The following PPP1R12B variants were observed in gnomAD, a reference collection of about 807,000 sequenced individuals.
PPP1R12B encodes myosin phosphatase target subunit 2.
A neutral mutation model predicts 126.1 loss-of-function variants in PPP1R12B; 76 were observed. The observed-to-expected ratio is 0.60, with a 90% CI of 0.50 to 0.73. The LOEUF is 0.73. Ranked by LOEUF, PPP1R12B falls within the 30% of genes least tolerant of loss-of-function variation. The pLI, the probability that PPP1R12B is intolerant of heterozygous loss-of-function variation, is 0.00. For synonymous variants in PPP1R12B, 356 were observed against 434.7 expected (o/e 0.82, Z 2.25); for missense variants, 1,052 against 1,205.1 (o/e 0.87, Z 1.88).
At chr1:202,425,453 C>A in intron 3 of PPP1R12B, 113 bp from the exon 4 acceptor site, 1 of 1,188,896 alleles carries the variant, frequency 8.4e-7, no homozygotes, top group Non-Finnish European at 1.2e-6. Flanking sequence ...AACTTGATGG[C>A]TAAATTGTTA....
intron 10 of PPP1R12B, chr1:202,438,701 A>G (rs557264016): frequency 2.0e-4 from 123 of 627,656 alleles, no homozygotes; most frequent in African/African-American, 1.8e-3. Context: ...CCGCCCAGTC[A>G]AGGGCCAGGT....
intron 21 of PPP1R12B, 129 bp downstream of exon 21, chr1:202,564,676 A>G: frequency 1.6e-6 from 1 of 635,712 alleles, no homozygotes; most frequent in South Asian, 2.1e-5. Context: ...AATGAGATAG[A>G]AGCTTCTTAG....
Position 202,425,617 on chromosome 1 carries a change from A to T in PPP1R12B, c.593A>T (p.Asp198Val). Residue 198 changes from aspartate (D) to valine (V), a missense_variant, in exon 4 of 24, where the codon GAT becomes GTT. By Grantham distance (152) the Asp-to-Val change is radical. Coordinates refer to ENST00000608999, the MANE Select transcript of PPP1R12B (RefSeq NM_002481.4). ...RKEEEQQMLQDARQWLNSGKI... is the reference protein window; with the variant it reads ...RKEEEQQMLQVARQWLNSGKI... ...GAAGAAGAGCAGCAGATGTTGCAGG[A>T]TGCCCGCCAGTGGCTCAACAGTGGG... 1 of 1,613,978 alleles carries T rather than the reference A, an allele frequency of 6.2e-7. No homozygotes were observed. The highest frequency in any genetic ancestry group is 8.5e-7 in the Non-Finnish European group (1 of 1,179,868).
At position 202,437,831 on chromosome 1, in the gene PPP1R12B, G is replaced by C. The variant is rs1279505956; in HGVS notation, c.1265G>C (p.Gly422Ala). The change falls in exon 10 of 24, where the codon GGC (glycine) becomes GCC (alanine). Residue 422 changes from glycine (G) to alanine (A), a missense_variant. By Grantham distance (60) the Gly-to-Ala change is moderately conservative. Transcript: ENST00000608999. ...TTGCTTCTCTCATAGTTCTCTTCTG[G>C]CCTTTTTAACAAGCCAGAAGAGCCC... ...SASSARRFSS[G>A]LFNKPEEPKD... is the part of the protein sequence containing the mutation. The C allele has an allele frequency of 1.9e-6, 3 of 1,609,388 alleles. No individual in the cohort carries two copies. The highest frequency in any genetic ancestry group is 2.5e-6 in the Non-Finnish European group (3 of 1,177,096).
intron 13 of PPP1R12B, among the ~76,000 whole-genome samples, chr1:202,449,951 G>T (rs1572081389): frequency 6.6e-6 from 1 of 152,224 alleles, no homozygotes; most frequent in African/African-American, 2.4e-5. Context: ...CTCCCAAAGT[G>T]CTGGGATTAC....
chr1:202,408,351 T>C (rs1169789076), intron 1 of PPP1R12B, among the ~76,000 whole-genome samples: 2 of 152,226 alleles, frequency 1.3e-5, no homozygotes, highest in Non-Finnish European at 2.9e-5. Context: ...AGCCAGAGAT[T>C]AGTTAAACAG....
intron 13 of PPP1R12B, among the ~76,000 whole-genome samples, chr1:202,475,743 T>C (rs1676550129): frequency 6.6e-6 from 1 of 152,158 alleles, no homozygotes; most frequent in Non-Finnish European, 1.5e-5. Context: ...ACATCTTGAA[T>C]TCATAAAGTC....
rs1670077297 is a variant in PPP1R12B, at chr1:202,430,683, A to G, written c.922-48A>G. The G allele has an allele frequency of 2.5e-6, 4 of 1,601,326 alleles. No individual in the cohort carries two copies. The Admixed American group carries it at 5.1e-5, about 20-fold the overall frequency. On this transcript the variant is annotated intron_variant, in intron 6 of 23. Transcript: ENST00000608999. ...TGGTTCTCAATACTGCTGATTTTTC[A>G]CCAATAGTCAACTTCTTCCCTTTTC...
intron 8 of PPP1R12B, among the ~76,000 whole-genome samples, chr1:202,432,522 C>T (rs1023675847): frequency 1.7e-4 from 26 of 152,282 alleles, no homozygotes; most frequent in African/African-American, 6.3e-4. Context: ...CTGCCTTGGC[C>T]TCCCTAAGTG....
intron 13 of PPP1R12B, among the ~76,000 whole-genome samples, chr1:202,476,252 A>G (rs1055676732): frequency 7.3e-5 from 11 of 151,672 alleles, no homozygotes; most frequent in Non-Finnish European, 1.5e-4. Context: ...AAACTATCTT[A>G]TAAGACCATT....
At chr1:202,357,068 C>T (rs1410020066) in intron 1 of PPP1R12B, among the ~76,000 whole-genome samples, 2 of 152,084 alleles carry the variant, frequency 1.3e-5, no homozygotes, top group African/African-American at 4.8e-5. Flanking sequence ...GTGATCCACC[C>T]GCCTTGGCCT....
chr1:202,477,382 C>G (rs190780214), intron 13 of PPP1R12B, among the ~76,000 whole-genome samples: 1 of 152,118 alleles, frequency 6.6e-6, no homozygotes, highest in Admixed American at 6.5e-5. Flanking sequence ...TCCACAATCA[C>G]CTACCAAGTA....
Position 202,453,249 on chromosome 1 carries a change from T to TA in PPP1R12B, c.1850+4079dup, listed in dbSNP as rs555009218. Among the ~76,000 whole-genome samples the TA allele has an allele frequency of 2.4e-4, 37 of 152,300 alleles. No homozygotes were observed. In the South Asian group the frequency reaches 5.6e-3, roughly 23 times the overall value. ...TCAATTGAAATGATCATAGTGTTTT[T>TA]ATCTTTCATTCTGTCAATATGATAT... On this transcript the variant is annotated intron_variant, in intron 13 of 23. Coordinates refer to ENST00000608999, the MANE Select transcript of PPP1R12B (RefSeq NM_002481.4).
chr1:202,523,149 C>T lies in PPP1R12B; in HGVS notation c.2490+26327C>T, dbSNP rs144386730. Among the ~76,000 whole-genome samples the T allele has an allele frequency of 2.6e-5, 4 of 152,250 alleles. No individual in the cohort carries two copies. In the East Asian group the frequency reaches 7.7e-4, roughly 29 times the overall value. ...TTCATTCAACAAATACTTATTTGTCCAATATTTGCCAGATATTGTTCGAGG... is the reference window on the plus strand; with the variant it reads ...TTCATTCAACAAATACTTATTTGTCTAATATTTGCCAGATATTGTTCGAGG... On this transcript the variant is annotated intron_variant, in intron 18 of 23. Coordinates refer to ENST00000608999, the MANE Select transcript of PPP1R12B (RefSeq NM_002481.4).
Position 202,511,229 on chromosome 1 carries a change from T to G in PPP1R12B, c.2490+14407T>G, listed in dbSNP as rs532332043. 1.1e-4 allele frequency among the ~76,000 whole-genome samples: 16 copies of G among 151,572 alleles called. No homozygotes were observed. In the South Asian group the frequency reaches 3.3e-3, roughly 31 times the overall value. ...CACTGTACCCACTATGTAGTTTTTTTTTTTTGAGACAGAGTCTCCTTCTGT... is the reference window on the plus strand; with the variant it reads ...CACTGTACCCACTATGTAGTTTTTTGTTTTTGAGACAGAGTCTCCTTCTGT... On this transcript the variant is annotated intron_variant, in intron 18 of 23. Transcript: ENST00000608999.
chr1:202,514,177 AATC>A (rs961987104), intron 18 of PPP1R12B, among the ~76,000 whole-genome samples: 5 of 152,140 alleles, frequency 3.3e-5, no homozygotes, highest in African/African-American at 1.2e-4. Flanking sequence ...GCATTTCTCT[AATC>A]ATCAGTGATA....
intron 1 of PPP1R12B, among the ~76,000 whole-genome samples, chr1:202,404,712 A>T (rs566721927): frequency 6.6e-6 from 1 of 152,238 alleles, no homozygotes; most frequent in South Asian, 2.1e-4. Flanking sequence ...TGTGTTAGCC[A>T]GGATGGTCTT....
intron 1 of PPP1R12B, among the ~76,000 whole-genome samples, chr1:202,372,273 G>A (rs1375195282): frequency 6.6e-6 from 1 of 152,088 alleles, no homozygotes; most frequent in Non-Finnish European, 1.5e-5. Context: ...GGAAGCTGAA[G>A]TGGGTGGATT....
At chr1:202,569,091 A>C in intron 22 of PPP1R12B, 56 bp from the exon 23 acceptor site, 1 of 1,581,302 alleles carries the variant, frequency 6.3e-7, no homozygotes, top group Non-Finnish European at 8.7e-7. Context: ...GGGAGGCAGC[A>C]TTTTTACTCC....
Sources: gnomAD v4.1 joint callset for allele counts (sites outside exome capture counted in the v4.1 genomes callset) on GRCh38, gnomAD v4.1.1 for gene constraint, MANE v1.5 for transcripts, NCBI Gene and HGNC (gene_info 2026-07-23, HGNC 2026-07-21) for gene names.